The following ZNF141 variants were observed in gnomAD, a reference collection of about 807,000 sequenced individuals.
ZNF141 encodes zinc finger protein 141 (clone pHZ-44).
A neutral mutation model predicts 11.3 loss-of-function variants in ZNF141; 7 were observed. That is an observed-to-expected ratio of 0.62 (90% CI 0.35 to 1.16). ZNF141 has a LOEUF of 1.16. Among genes scored for constraint, ZNF141 ranks in the 50% most tolerant of loss-of-function variants. The probability of loss-of-function intolerance (pLI) is 0.02; values close to 1 mark genes in which losing one functional copy is unlikely to be tolerated. For missense variants in ZNF141, 535 were observed against 554.0 expected (o/e 0.97, Z 0.34); for synonymous variants, 183 against 190.7 (o/e 0.96, Z 0.33).
intron 3 of ZNF141, among the ~76,000 whole-genome samples, chr4:368,348 T>C (rs1711849561): frequency 6.6e-6 from 1 of 152,048 alleles, no homozygotes; most frequent in South Asian, 2.1e-4. Flanking sequence ...TTCAAGCAAT[T>C]CTTGTGCCTC....
At position 375,173 on chromosome 4, in the gene ZNF141, A is replaced by G. The variant is rs975908593; in HGVS notation, c.*1311A>G. 3.3e-5 allele frequency: 5 copies of G among 152,190 alleles called. No individual in the cohort carries two copies. The highest frequency in any genetic ancestry group is 1.2e-4 in the African/African-American group (5 of 41,466). 9.4% of individuals were successfully genotyped at this position (152,190 alleles called of 1,614,324 possible). On this transcript the variant is annotated 3_prime_UTR_variant, in exon 4 of 4. Transcript: ENST00000240499. ...CTAGCAATGTTCATACTTAATAAAAACATTATAAATGTAATTTCTGTTGAA... is the reference window on the plus strand; with the variant it reads ...CTAGCAATGTTCATACTTAATAAAAGCATTATAAATGTAATTTCTGTTGAA...
intron 3 of ZNF141, among the ~76,000 whole-genome samples, chr4:346,548 C>A (rs1348830035): frequency 6.6e-6 from 1 of 152,134 alleles, no homozygotes; most frequent in Non-Finnish European, 1.5e-5. Context: ...TTTTGGTAAT[C>A]TAATGCTAAT....
rs532290288 is a variant in ZNF141, at chr4:357,600, A to T, written c.226+13170A>T. Among the ~76,000 whole-genome samples the T allele has an allele frequency of 1.9e-4, 28 of 151,294 alleles. 1 individual carries two copies. Among genetic ancestry groups the T allele is most frequent in the South Asian group, 4.2e-4 (2 of 4,776 alleles). On this transcript the variant is annotated intron_variant, in intron 3 of 3. Transcript: ENST00000240499. ...ATTATACCTTTACACAATTAAAAAA[A>T]TTTTTTTTTCTCTGTCTCCTGAACC...
chr4:356,219 A>C, intron 3 of ZNF141, among the ~76,000 whole-genome samples: 1 of 141,082 alleles, frequency 7.1e-6, no homozygotes, highest in Non-Finnish European at 1.5e-5. Flanking sequence ...TGACACAGCA[A>C]GGCTCCGTCT....
At chr4:371,921 C>A (rs1581625316) in intron 3 of ZNF141, among the ~76,000 whole-genome samples, 1 of 152,276 alleles carries the variant, frequency 6.6e-6, no homozygotes, top group Admixed American at 6.5e-5. Flanking sequence ...GTTATTTGTA[C>A]ATTAACAAAA....
chr4:338,107 C>G, intron 1 of ZNF141, 121 bp downstream of exon 1: 1 of 1,381,922 alleles, frequency 7.2e-7, no homozygotes, highest in Non-Finnish European at 1.0e-6. Flanking sequence ...CCTGGGGCCT[C>G]AGTACCCTCC....
At position 384,215 on chromosome 4, in the gene ZNF141, A is replaced by C. The variant is rs190990979; in HGVS notation, c.*10353A>C. On this transcript the variant is annotated 3_prime_UTR_variant, in exon 4 of 4. Coordinates refer to ENST00000240499, the MANE Select transcript of ZNF141 (RefSeq NM_003441.4). ...AAAACAAGAAGTTTGCCTTTAATCT[A>C]TTCCCTCCACATCTAAACTCTGGAG... 6.6e-6 allele frequency: 1 copy of C among 152,226 alleles called. No homozygotes were observed. Among genetic ancestry groups the C allele is most frequent in the Non-Finnish European group, 1.5e-5 (1 of 68,056 alleles). 9.4% of individuals were successfully genotyped at this position (152,226 alleles called of 1,614,324 possible). A position where few individuals can be genotyped will look rare whatever the true frequency, so the allele number is the denominator to read the frequency against.
At position 343,779 on chromosome 4, in the gene ZNF141, C is replaced by T. The variant is rs1721179166; in HGVS notation, c.4-3C>T. 1 of 1,269,194 alleles carries T rather than the reference C, an allele frequency of 7.9e-7. No homozygotes were observed. The highest frequency in any genetic ancestry group is 2.3e-5 in the Admixed American group (1 of 43,714). 78.6% of individuals were successfully genotyped at this position (1,269,194 alleles called of 1,614,324 possible). Reference sequence around the variant, plus strand: ...ATGTCCCTTGATATATTTGTATTTTCAGGAACTCTTAACATTCAGGGATGT... The same window carrying T: ...ATGTCCCTTGATATATTTGTATTTTTAGGAACTCTTAACATTCAGGGATGT... On this transcript the variant is annotated splice_polypyrimidine_tract_variant and splice_region_variant and intron_variant, in intron 1 of 3. Transcript: ENST00000240499.
At chr4:363,407 T>A (rs1357109616) in intron 3 of ZNF141, among the ~76,000 whole-genome samples, 1 of 152,148 alleles carries the variant, frequency 6.6e-6, no homozygotes. Flanking sequence ...CTTCCAACAC[T>A]ATGTTGAATA....
Position 373,900 on chromosome 4 carries a change from T to G in ZNF141, c.*38T>G, listed in dbSNP as rs188991016. ...AAATGTAAAGAATGTGGCAAACCTTTGGATGATCCACAAACCTTAATGAAC... is the reference window on the plus strand; with the variant it reads ...AAATGTAAAGAATGTGGCAAACCTTGGGATGATCCACAAACCTTAATGAAC... On this transcript the variant is annotated 3_prime_UTR_variant, in exon 4 of 4. Transcript: ENST00000240499. 1 of 1,529,602 alleles carries G rather than the reference T, an allele frequency of 6.5e-7. No homozygotes were observed. The highest frequency in any genetic ancestry group is 8.9e-7 in the Non-Finnish European group (1 of 1,123,764). 94.8% of individuals were successfully genotyped at this position (1,529,602 alleles called of 1,614,324 possible). A position where few individuals can be genotyped will look rare whatever the true frequency, so the allele number is the denominator to read the frequency against.
intron 3 of ZNF141, among the ~76,000 whole-genome samples, chr4:357,402 G>C (rs1721892191): frequency 6.7e-6 from 1 of 149,610 alleles, no homozygotes; most frequent in African/African-American, 2.5e-5. Flanking sequence ...CTGAGTGATA[G>C]AGTGAGACTC....
intron 1 of ZNF141, among the ~76,000 whole-genome samples, chr4:339,333 C>A (rs1581574825): frequency 6.6e-6 from 1 of 152,364 alleles, no homozygotes; most frequent in African/African-American, 2.4e-5. Context: ...GAGCTTAGCC[C>A]TGCCTGGGCC....
chr4:375,591 A>T lies in ZNF141; in HGVS notation c.*1729A>T, dbSNP rs1392054775. Among the ~76,000 whole-genome samples, 9 of 152,120 alleles carry T rather than the reference A, an allele frequency of 5.9e-5. No homozygotes were observed. The highest frequency in any genetic ancestry group is 1.9e-4 in the African/African-American group (8 of 41,464). ...AAATCAGAGTATTAAGTATTAAAAA[A>T]ATCCAAAGTTGAACCTATTAGAGAA... On this transcript the variant is annotated 3_prime_UTR_variant, in exon 4 of 4. Transcript: ENST00000240499.
chr4:340,653 A>T (rs1024997274), intron 1 of ZNF141, among the ~76,000 whole-genome samples: 2 of 152,222 alleles, frequency 1.3e-5, no homozygotes, highest in Non-Finnish European at 2.9e-5. Flanking sequence ...GAGAAATACA[A>T]GTTCTTTTAA....
intron 3 of ZNF141, among the ~76,000 whole-genome samples, chr4:368,268 G>T (rs1711845404): frequency 6.6e-6 from 1 of 151,446 alleles, no homozygotes; most frequent in Non-Finnish European, 1.5e-5. Flanking sequence ...ACAGAGTCTT[G>T]CTCTGTCACC....
intron 3 of ZNF141, among the ~76,000 whole-genome samples, chr4:361,528 C>T (rs1250671956): frequency 6.6e-6 from 1 of 151,950 alleles, no homozygotes; most frequent in African/African-American, 2.4e-5. Flanking sequence ...ATCCCTCTCC[C>T]CGCCCAACCC....
chr4:369,759 T>TAG (rs1711950332), intron 3 of ZNF141, among the ~76,000 whole-genome samples: 1 of 53,586 alleles, frequency 1.9e-5, no homozygotes, highest in African/African-American at 6.2e-5. Context: ...TATATATATA[T>TAG]ATATATTTTT....
intron 1 of ZNF141, among the ~76,000 whole-genome samples, chr4:339,104 C>T (rs1436495098): frequency 6.6e-6 from 1 of 152,264 alleles, no homozygotes; most frequent in African/African-American, 2.4e-5. Flanking sequence ...GGCATTCGCA[C>T]GGCCACACTT....
At chr4:369,762 A>ATTTTTTTTTTTTTTTTTTT (rs1440952353) in intron 3 of ZNF141, among the ~76,000 whole-genome samples, 2 of 33,528 alleles carry the variant, frequency 6.0e-5, no homozygotes, top group African/African-American at 3.7e-4. Flanking sequence ...ATATATATAT[A>ATTTTTTTTTTTTTTTTTTT]TATTTTTTTT....
Sources: allele counts gnomAD v4.1 joint callset (sites outside exome capture counted in the v4.1 genomes callset), GRCh38; gene constraint gnomAD v4.1.1; transcripts MANE v1.5; gene names NCBI Gene and HGNC (gene_info 2026-07-23, HGNC 2026-07-21).